Variants in FMN1 observed in about 807,000 individuals in gnomAD.
The protein encoded by FMN1 is formin-1.
In FMN1, 110 loss-of-function variants were observed where a neutral mutation model predicts 132.4. The ratio of observed to expected loss-of-function variants is 0.83; its 90% CI spans 0.71 to 0.97. The LOEUF is 0.97. Among genes scored for constraint, FMN1 ranks in the 50% least tolerant of loss-of-function variants. The probability of loss-of-function intolerance (pLI) is 0.00; values close to 1 mark genes in which losing one functional copy is unlikely to be tolerated. For synonymous variants in FMN1, 722 were observed against 651.7 expected, an observed-to-expected ratio of 1.11 and a Z score of -1.64; for missense variants, 1,792 against 1,705.3, an observed-to-expected ratio of 1.05 and a Z score of -0.90.
At chr15:32,852,014 T>C (rs2059020288) in intron 17 of FMN1, among the ~76,000 whole-genome samples, 1 of 152,248 alleles carries the variant, frequency 6.6e-6, no homozygotes, top group African/African-American at 2.4e-5. Context: ...ACATTTGTTA[T>C]ATGATATCCT....
chr15:32,797,512 G>A (rs561602623), intron 19 of FMN1, among the ~76,000 whole-genome samples: 2 of 152,206 alleles, frequency 1.3e-5, no homozygotes, highest in South Asian at 4.2e-4. Flanking sequence ...GTGATGGCAG[G>A]GCAAGAACTA....
chr15:33,103,782 C>G (rs929007754), intron 4 of FMN1, among the ~76,000 whole-genome samples: 1 of 152,030 alleles, frequency 6.6e-6, no homozygotes, highest in Non-Finnish European at 1.5e-5. Context: ...TCTATTACAC[C>G]TTGAATTTAT....
intron 4 of FMN1, among the ~76,000 whole-genome samples, chr15:33,099,084 T>C (rs945669436): frequency 6.6e-6 from 1 of 152,008 alleles, no homozygotes. Flanking sequence ...CTGGGCAACA[T>C]GGTGAAACCC....
intron 10 of FMN1, among the ~76,000 whole-genome samples, chr15:32,915,116 A>G (rs1201445839): frequency 6.6e-6 from 1 of 152,222 alleles, no homozygotes; most frequent in Admixed American, 6.5e-5. Flanking sequence ...ATTATTTCTA[A>G]TAATATTGGC....
chr15:33,016,936 G>A (rs62001488), intron 6 of FMN1, among the ~76,000 whole-genome samples: 6,792 of 152,202 alleles, frequency 0.045, 205 homozygotes, highest in Non-Finnish European at 0.066. Flanking sequence ...GTCATTTTTG[G>A]ACCAGCTTGA....
At chr15:33,061,548 C>T (rs2037483683) in intron 6 of FMN1, among the ~76,000 whole-genome samples, 1 of 151,958 alleles carries the variant, frequency 6.6e-6, no homozygotes, top group African/African-American at 2.4e-5. Flanking sequence ...ATTATCATTC[C>T]TACCTCACAT....
chr15:33,113,717 C>T (rs540116994), intron 4 of FMN1, among the ~76,000 whole-genome samples: 6 of 152,298 alleles, frequency 3.9e-5, no homozygotes, highest in Middle Eastern at 3.4e-3. Flanking sequence ...ACGTTGAACA[C>T]TGTGCATTGG....
intron 6 of FMN1, among the ~76,000 whole-genome samples, chr15:33,023,274 AT>A (rs1257705204): frequency 6.7e-6 from 1 of 149,350 alleles, no homozygotes; most frequent in Admixed American, 6.7e-5. Flanking sequence ...TAAAAAAAAA[AT>A]CATCCTATAG....
chr15:33,156,204 G>C (rs1394650430), intron 3 of FMN1, among the ~76,000 whole-genome samples: 1 of 150,778 alleles, frequency 6.6e-6, no homozygotes, highest in Non-Finnish European at 1.5e-5. Context: ...GGTCAAACCA[G>C]AATGCCAGGA....
At chr15:32,826,979 A>G (rs1197098129) in intron 17 of FMN1, among the ~76,000 whole-genome samples, 1 of 152,238 alleles carries the variant, frequency 6.6e-6, no homozygotes. Context: ...GTAGAACTAC[A>G]GGAGAATCAG....
chr15:32,965,883 T>C (rs970341696), intron 8 of FMN1, among the ~76,000 whole-genome samples: 3 of 152,182 alleles, frequency 2.0e-5, no homozygotes, highest in Non-Finnish European at 2.9e-5. Context: ...CATCCATGTA[T>C]GTGTTCCTCT....
chr15:33,038,737 CA>C (rs1232608287), intron 6 of FMN1, among the ~76,000 whole-genome samples: 1 of 152,130 alleles, frequency 6.6e-6, no homozygotes, highest in African/African-American at 2.4e-5. Context: ...TACACTTGAG[CA>C]AAGTATCATA....
At chr15:33,158,554 A>G (rs1964768730) in intron 3 of FMN1, among the ~76,000 whole-genome samples, 1 of 152,206 alleles carries the variant, frequency 6.6e-6, no homozygotes, top group Non-Finnish European at 1.5e-5. Context: ...GGAGCAGAAC[A>G]GAGGAAGAAA....
intron 5 of FMN1, among the ~76,000 whole-genome samples, chr15:33,076,783 C>T (rs1283661299): frequency 6.6e-6 from 1 of 152,076 alleles, no homozygotes; most frequent in African/African-American, 2.4e-5. Flanking sequence ...TATTTTATAA[C>T]AGTTTTCTTT....
intron 16 of FMN1, among the ~76,000 whole-genome samples, chr15:32,875,637 A>G (rs1381304365): frequency 6.6e-6 from 1 of 152,182 alleles, no homozygotes; most frequent in Non-Finnish European, 1.5e-5. Context: ...TACGAGAGAT[A>G]AGGATATTGG....
chr15:33,040,224 A>G (rs187913114), intron 6 of FMN1, among the ~76,000 whole-genome samples: 200 of 152,274 alleles, frequency 1.3e-3, no homozygotes, highest in Non-Finnish European at 1.1e-3. Context: ...TTGTCTCCCC[A>G]AGTCAGCTCC....
chr15:33,046,146 T>C (rs1016123229), intron 6 of FMN1, among the ~76,000 whole-genome samples: 7 of 152,152 alleles, frequency 4.6e-5, no homozygotes, highest in African/African-American at 1.7e-4. Flanking sequence ...TATCAATCTC[T>C]AGAGAAATCA....
intron 7 of FMN1, among the ~76,000 whole-genome samples, chr15:33,007,283 A>C (rs891106047): frequency 2.0e-5 from 3 of 152,202 alleles, no homozygotes; most frequent in African/African-American, 7.2e-5. Context: ...TGAGGAAAAA[A>C]TGTTACTGAA....
intron 4 of FMN1, among the ~76,000 whole-genome samples, chr15:33,121,708 T>C (rs904764452): frequency 1.3e-5 from 2 of 152,098 alleles, no homozygotes; most frequent in African/African-American, 4.8e-5. Context: ...TTTGTATGTT[T>C]AGTAGAGACA....
Sources: gnomAD v4.1 joint callset for allele counts (sites outside exome capture counted in the v4.1 genomes callset) on GRCh38, gnomAD v4.1.1 for gene constraint, MANE v1.5 for transcripts, NCBI Gene and HGNC (gene_info 2026-07-23, HGNC 2026-07-21) for gene names.